The following ADAM32 variants were observed in gnomAD, a reference collection of about 807,000 sequenced individuals.
ADAM32 encodes disintegrin and metalloproteinase domain-containing protein 32.
Under a neutral mutation model 114.9 loss-of-function variants are expected in ADAM32, and 89 were observed. The ratio of observed to expected loss-of-function variants is 0.77; its 90% CI spans 0.65 to 0.92. The LOEUF is 0.92. Among genes scored for constraint, ADAM32 ranks in the 40% least tolerant of loss-of-function variants. ADAM32 has a pLI of 0.00. For synonymous variants in ADAM32, 285 were observed against 307.5 expected, an observed-to-expected ratio of 0.93 and a Z score of 0.77; for missense variants, 870 against 932.8, an observed-to-expected ratio of 0.93 and a Z score of 0.88.
At chr8:39,237,793 A>G (rs1810276272) in intron 16 of ADAM32, among the ~76,000 whole-genome samples, 1 of 152,144 alleles carries the variant, frequency 6.6e-6, no homozygotes, top group Non-Finnish European at 1.5e-5. Context: ...GTCTTTCTCT[A>G]CCTGCCCTGG....
intron 11 of ADAM32, among the ~76,000 whole-genome samples, chr8:39,197,642 T>C (rs190165920): frequency 6.6e-6 from 1 of 152,300 alleles, no homozygotes; most frequent in Non-Finnish European, 1.5e-5. Flanking sequence ...CCTATTATTA[T>C]TGATTTTTAC....
intron 10 of ADAM32, among the ~76,000 whole-genome samples, chr8:39,176,332 A>C (rs1336022554): frequency 6.6e-6 from 1 of 152,094 alleles, no homozygotes; most frequent in African/African-American, 2.4e-5. Context: ...TAATCCTATG[A>C]ATTTCTCTCT....
chr8:39,249,824 A>G (rs1811171445), intron 17 of ADAM32, among the ~76,000 whole-genome samples: 1 of 151,910 alleles, frequency 6.6e-6, no homozygotes, highest in African/African-American at 2.4e-5. Flanking sequence ...TATACTCTCA[A>G]TTTTTGCTTG....
At chr8:39,109,965 T>C (rs1840087497) in intron 1 of ADAM32, among the ~76,000 whole-genome samples, 1 of 152,142 alleles carries the variant, frequency 6.6e-6, no homozygotes, top group Non-Finnish European at 1.5e-5. Context: ...CAGAGTGTCA[T>C]GTATTTGAAA....
chr8:39,281,957 C>T (rs1010944475), intron 23 of ADAM32, among the ~76,000 whole-genome samples: 1 of 152,170 alleles, frequency 6.6e-6, no homozygotes, highest in African/African-American at 2.4e-5. Flanking sequence ...CCAATGAAGG[C>T]ACCCCATCCA....
chr8:39,254,544 T>C (rs1370887044), intron 18 of ADAM32, 28 bp downstream of exon 18: 2 of 1,468,806 alleles, frequency 1.4e-6, no homozygotes, highest in Non-Finnish European at 1.8e-6. Flanking sequence ...TAAATACCCA[T>C]TTAATAAAAT....
At chr8:39,260,668 G>A (rs1811965454) in intron 19 of ADAM32, among the ~76,000 whole-genome samples, 1 of 151,966 alleles carries the variant, frequency 6.6e-6, no homozygotes, top group Non-Finnish European at 1.5e-5. Flanking sequence ...TTTTGTTGAG[G>A]ATTTTTACAT....
At chr8:39,152,541 G>C (rs975043693) in intron 6 of ADAM32, among the ~76,000 whole-genome samples, 1 of 151,602 alleles carries the variant, frequency 6.6e-6, no homozygotes, top group African/African-American at 2.4e-5. Flanking sequence ...TGCCAACATG[G>C]TGAAACCCCG....
chr8:39,119,503 A>T (rs1023743891), intron 2 of ADAM32, among the ~76,000 whole-genome samples: 28 of 152,208 alleles, frequency 1.8e-4, no homozygotes, highest in Non-Finnish European at 3.7e-4. Flanking sequence ...ATAGCCATTT[A>T]TATGCCTTTT....
At chr8:39,258,750 A>G (rs1811826183) in intron 19 of ADAM32, among the ~76,000 whole-genome samples, 1 of 152,132 alleles carries the variant, frequency 6.6e-6, no homozygotes, top group Non-Finnish European at 1.5e-5. Flanking sequence ...TCCGTTTGAT[A>G]CTTTGTCTTC....
intron 19 of ADAM32, among the ~76,000 whole-genome samples, chr8:39,270,502 C>T (rs967171459): frequency 4.6e-5 from 7 of 152,186 alleles, no homozygotes; most frequent in African/African-American, 1.4e-4. Context: ...GCTACTAAAT[C>T]TCTGGCCTCA....
chr8:39,228,714 G>C (rs1809551038), intron 14 of ADAM32, among the ~76,000 whole-genome samples: 1 of 152,178 alleles, frequency 6.6e-6, no homozygotes, highest in Non-Finnish European at 1.5e-5. Context: ...AATAATTGGG[G>C]CTCCTGAGTA....
intron 23 of ADAM32, among the ~76,000 whole-genome samples, chr8:39,282,847 G>T (rs1424872197): frequency 6.6e-6 from 1 of 151,960 alleles, no homozygotes; most frequent in Non-Finnish European, 1.5e-5. Context: ...TTATTGGTTT[G>T]GGAGATAACT....
In ADAM32 at chr8:39,165,280, T is replaced by C. The variant is rs1804759425; in HGVS notation, c.833+84T>C. 3.0e-6 allele frequency: 3 copies of C among 1,008,680 alleles called. No individual in the cohort carries two copies. In the African/African-American group the frequency reaches 5.0e-5, roughly 17 times the overall value. 62.5% of individuals were successfully genotyped at this position (1,008,680 alleles called of 1,614,324 possible). ...GCTTAATGTAAGGAATTATTATTCA[T>C]TTCTGAATATCCATGCTTTGATTAT... On this transcript the variant is annotated intron_variant, in intron 9 of 24. Coordinates refer to ENST00000379907, the MANE Select transcript of ADAM32 (RefSeq NM_145004.7).
At chr8:39,144,515 A>C (rs183023847) in intron 3 of ADAM32, among the ~76,000 whole-genome samples, 37 of 152,348 alleles carry the variant, frequency 2.4e-4, no homozygotes, top group Admixed American at 7.2e-4. Flanking sequence ...GATGCTGGGT[A>C]TGAAGTGCTT....
At chr8:39,246,686 T>C (rs1356372575) in intron 17 of ADAM32, among the ~76,000 whole-genome samples, 1 of 152,244 alleles carries the variant, frequency 6.6e-6, no homozygotes. Context: ...TTATAATTGA[T>C]GACCTACAAG....
chr8:39,205,055 G>T (rs1303671723), intron 11 of ADAM32, among the ~76,000 whole-genome samples: 1 of 152,220 alleles, frequency 6.6e-6, no homozygotes, highest in African/African-American at 2.4e-5. Flanking sequence ...GTGCCTCCCA[G>T]TTAGGCTACT....
chr8:39,154,033 C>CATATATATATATATATATATATAT (rs59934573), intron 6 of ADAM32, among the ~76,000 whole-genome samples: 210 of 139,354 alleles, frequency 1.5e-3, no homozygotes, highest in African/African-American at 4.7e-3. Context: ...GAAAGTTCCT[C>CATATATATATATATATATATATAT]ATATATATAT....
At chr8:39,148,746 G>A (rs774034645) in intron 4 of ADAM32, among the ~76,000 whole-genome samples, 2 of 151,980 alleles carry the variant, frequency 1.3e-5, no homozygotes, top group Non-Finnish European at 2.9e-5. Context: ...TTGCTTTATT[G>A]CTCCCTTTTC....
Sources: gnomAD v4.1 joint callset for allele counts (sites outside exome capture counted in the v4.1 genomes callset) on GRCh38, gnomAD v4.1.1 for gene constraint, MANE v1.5 for transcripts, NCBI Gene and HGNC (gene_info 2026-07-23, HGNC 2026-07-21) for gene names.